OTUD7A: variants seen among roughly 807,000 people sequenced by gnomAD.
OTUD7A encodes the protein OTU deubiquitinase 7A.
Under a neutral mutation model 65.7 loss-of-function variants are expected in OTUD7A, and 12 were observed. That is an observed-to-expected ratio of 0.18 (90% CI 0.12 to 0.30). The LOEUF (loss-of-function observed/expected upper bound fraction) is 0.30, where lower values mean the gene tolerates loss of function less well. Ranked by LOEUF, OTUD7A falls within the 10% of genes least tolerant of loss-of-function variation. The pLI, the probability that OTUD7A is intolerant of heterozygous loss-of-function variation, is 1.00. For missense variants in OTUD7A, 1,148 were observed against 1,304.8 expected (o/e 0.88, Z 1.85); for synonymous variants, 641 against 586.3 (o/e 1.09, Z -1.35).
At chr15:31,767,832 T>C (rs1243864666) in intron 1 of OTUD7A, 5 of 894,350 alleles carry the variant, frequency 5.6e-6, no homozygotes, top group East Asian at 4.8e-5. Flanking sequence ...AAGTTCTCTA[T>C]GCTGTTTTTT....
intron 3 of OTUD7A, among the ~76,000 whole-genome samples, chr15:31,584,041 C>T (rs1889452599): frequency 6.6e-6 from 1 of 152,164 alleles, no homozygotes; most frequent in South Asian, 2.1e-4. Flanking sequence ...AAATCAACAG[C>T]TGGTATAGAT....
chr15:31,805,684 A>G (rs1357886493), intron 1 of OTUD7A, among the ~76,000 whole-genome samples: 1 of 152,214 alleles, frequency 6.6e-6, no homozygotes, highest in African/African-American at 2.4e-5. Context: ...AGAGAGTTAC[A>G]GGGCAGGAGG....
rs200762487 is a variant in OTUD7A, at chr15:31,808,135, AC to A, written c.-100+62371del. Among the ~76,000 whole-genome samples, 282 of 115,932 alleles carry A rather than the reference AC, an allele frequency of 2.4e-3. 3 individuals are homozygous for A. The highest frequency in any genetic ancestry group is 4.6e-3 in the Admixed American group (48 of 10,490). 76.1% of individuals were successfully genotyped at this position (115,932 alleles called of 152,430 possible). ...CACACACACACACACACACACACAC[AC>A]AAACAAATCCTCACCAGGTTTTTCC... On this transcript the variant is annotated intron_variant, in intron 1 of 12. Coordinates refer to ENST00000307050, the MANE Select transcript of OTUD7A (RefSeq NM_001382637.1).
chr15:31,857,684 G>A (rs1453656239), intron 1 of OTUD7A, among the ~76,000 whole-genome samples: 1 of 152,156 alleles, frequency 6.6e-6, no homozygotes, highest in Non-Finnish European at 1.5e-5. Flanking sequence ...ACTCCAGACT[G>A]CCCCCCACGT....
chr15:31,728,991 C>T (rs1307005568), intron 1 of OTUD7A, among the ~76,000 whole-genome samples: 1 of 152,170 alleles, frequency 6.6e-6, no homozygotes, highest in East Asian at 1.9e-4. Context: ...CAACCAGGGT[C>T]TGAAAATAGG....
At chr15:31,562,136 T>C (rs1480613034) in intron 4 of OTUD7A, among the ~76,000 whole-genome samples, 2 of 152,206 alleles carry the variant, frequency 1.3e-5, no homozygotes, top group South Asian at 2.1e-4. Context: ...CTGCGTTTTC[T>C]TATTTTCTTT....
chr15:31,816,998 A>G (rs1006261797), intron 1 of OTUD7A, among the ~76,000 whole-genome samples: 1 of 152,182 alleles, frequency 6.6e-6, no homozygotes, highest in East Asian at 1.9e-4. Flanking sequence ...AATTCACTTA[A>G]TTCACAATTA....
At chr15:31,735,781 T>C (rs1024566508) in intron 1 of OTUD7A, among the ~76,000 whole-genome samples, 5 of 152,106 alleles carry the variant, frequency 3.3e-5, no homozygotes, top group African/African-American at 9.7e-5. Context: ...TAAAGCACTA[T>C]TTACAACAGC....
chr15:31,599,928 G>T (rs1016958570), intron 3 of OTUD7A, among the ~76,000 whole-genome samples: 1 of 152,100 alleles, frequency 6.6e-6, no homozygotes, highest in African/African-American at 2.4e-5. Flanking sequence ...AAAGCAAGAA[G>T]ACAGGATTAG....
At chr15:31,685,667 A>G (rs1458027802) in intron 1 of OTUD7A, among the ~76,000 whole-genome samples, 8 of 152,226 alleles carry the variant, frequency 5.3e-5, no homozygotes, top group South Asian at 2.1e-4. Flanking sequence ...TCAAAAAAAG[A>G]TCCCAGTTAC....
chr15:31,840,452 A>AT (rs1188537388), intron 1 of OTUD7A, among the ~76,000 whole-genome samples: 1 of 151,006 alleles, frequency 6.6e-6, no homozygotes. Flanking sequence ...ATTAAAAAAT[A>AT]AAAATAAAAA....
chr15:31,492,645 C>T (rs1164842084), intron 10 of OTUD7A, among the ~76,000 whole-genome samples: 1 of 150,348 alleles, frequency 6.7e-6, no homozygotes, highest in African/African-American at 2.4e-5. Flanking sequence ...CTAGGGAAAC[C>T]ACTAACAATT....
intron 1 of OTUD7A, among the ~76,000 whole-genome samples, chr15:31,675,658 A>G (rs1429528885): frequency 2.6e-5 from 4 of 152,216 alleles, no homozygotes; most frequent in Non-Finnish European, 5.9e-5. Context: ...TATTGTAACA[A>G]ATGAGAACAT....
chr15:31,866,048 G>A (rs1897867122), intron 1 of OTUD7A, among the ~76,000 whole-genome samples: 1 of 152,144 alleles, frequency 6.6e-6, no homozygotes, highest in Admixed American at 6.5e-5. Context: ...TACAAAATGA[G>A]TTTACTTTAG....
chr15:31,505,795 G>C lies in OTUD7A; in HGVS notation c.894-1977C>G, dbSNP rs1441922456. On this transcript the variant is annotated intron_variant, in intron 8 of 12. Transcript: ENST00000307050. ...GGTGGAGTCTCACTCTGTCGCCCAG[G>C]CTGGAGTGCAGTGGCATGATCTCGG... Among the ~76,000 whole-genome samples the C allele has an allele frequency of 4.6e-5, 7 of 151,668 alleles. No individual in the cohort carries two copies. The East Asian group carries it at 1.4e-3, about 29-fold the overall frequency.
At chr15:31,740,232 G>C (rs1353878885) in intron 1 of OTUD7A, among the ~76,000 whole-genome samples, 1 of 152,168 alleles carries the variant, frequency 6.6e-6, no homozygotes, top group African/African-American at 2.4e-5. Context: ...ACAGCTTCTG[G>C]TGGGCAGGTG....
At chr15:31,532,851 G>C (rs1048726438) in intron 5 of OTUD7A, among the ~76,000 whole-genome samples, 1 of 151,184 alleles carries the variant, frequency 6.6e-6, no homozygotes, top group South Asian at 2.1e-4. Flanking sequence ...GGAGAATGGC[G>C]TGAACCTGGG....
intron 5 of OTUD7A, chr15:31,558,175 GAA>G (rs1888560102): frequency 6.6e-6 from 1 of 152,254 alleles, no homozygotes; most frequent in African/African-American, 2.4e-5. Context: ...GCGTGCCTGA[GAA>G]ACCCCCAGAT....
At chr15:31,558,922 A>G in intron 5 of OTUD7A, 47 bp downstream of exon 5, 4 of 1,592,554 alleles carry the variant, frequency 2.5e-6, no homozygotes, top group Non-Finnish European at 3.4e-6. Flanking sequence ...CCAGCTCACC[A>G]TTCACCAAGC....
Sources: allele counts gnomAD v4.1 joint callset (sites outside exome capture counted in the v4.1 genomes callset), GRCh38; gene constraint gnomAD v4.1.1; transcripts MANE v1.5; gene names NCBI Gene and HGNC (gene_info 2026-07-23, HGNC 2026-07-21).